Variants in CFAP47 observed in about 807,000 individuals in gnomAD.
The protein encoded by CFAP47 is cilia- and flagella-associated protein 47.
In CFAP47, 29 loss-of-function variants were observed where a neutral mutation model predicts 148.1. The ratio of observed to expected loss-of-function variants is 0.20; its 90% CI spans 0.15 to 0.27. CFAP47 has a LOEUF of 0.27. CFAP47 is among the 10% of genes least tolerant of loss of function. CFAP47 has a pLI of 1.00. For synonymous variants in CFAP47, 664 were observed against 577.3 expected (o/e 1.15, Z -2.15); for missense variants, 1,872 against 1,697.5 (o/e 1.10, Z -1.81).
chrX:36,104,470 C>G, intron 32 of CFAP47, 29 bp from the exon 33 acceptor site: 2 of 552,334 alleles, frequency 3.6e-6, no homozygotes, highest in Non-Finnish European at 5.5e-6. Flanking sequence ...CCATTTGCAT[C>G]TAATAAAAGT....
intron 25 of CFAP47, among the ~76,000 whole-genome samples, chrX:36,045,767 A>G (rs1233619901): frequency 8.9e-6 from 1 of 112,071 alleles, no homozygotes; most frequent in Non-Finnish European, 1.9e-5. Flanking sequence ...ATTTTCTAAT[A>G]TATGAATTAA....
chrX:36,046,348 G>A (rs1325613152), intron 25 of CFAP47, among the ~76,000 whole-genome samples: 1 of 110,461 alleles, frequency 9.1e-6, no homozygotes, highest in Non-Finnish European at 1.9e-5. Context: ...AATTAAGTAT[G>A]TCAACATTAA....
chrX:36,236,155 TTTAA>T (rs1555994587), intron 47 of CFAP47, 78 bp downstream of exon 47: 1 of 360,275 alleles, frequency 2.8e-6, no homozygotes, highest in Non-Finnish European at 4.9e-6. Flanking sequence ...ACATTAGTCT[TTTAA>T]TTGATAGTAC....
chrX:36,330,970 TATATAA>T (rs1344906770), intron 57 of CFAP47, among the ~76,000 whole-genome samples: 71 of 111,706 alleles, frequency 6.4e-4, no homozygotes, highest in African/African-American at 2.3e-3. Context: ...AATATCAATA[TATATAA>T]ATAAACACTT....
chrX:36,283,843 C>A (rs1329310680), intron 50 of CFAP47, among the ~76,000 whole-genome samples: 1 of 111,928 alleles, frequency 8.9e-6, no homozygotes, highest in Admixed American at 9.5e-5. Flanking sequence ...AAATCACCAA[C>A]TAATGGTGGT....
intron 2 of CFAP47, among the ~76,000 whole-genome samples, chrX:35,933,066 A>G (rs1164004654): frequency 8.9e-6 from 1 of 112,370 alleles, no homozygotes; most frequent in Non-Finnish European, 1.9e-5. Flanking sequence ...TGTGTTACAA[A>G]TAATTCAGTT....
At chrX:36,093,494 T>A (rs1175723310) in intron 30 of CFAP47, among the ~76,000 whole-genome samples, 1 of 111,475 alleles carries the variant, frequency 9.0e-6, no homozygotes, top group Non-Finnish European at 1.9e-5. Flanking sequence ...TGATTTGCAT[T>A]TATCTGTTGA....
At chrX:36,197,001 G>A (rs964174547) in intron 42 of CFAP47, among the ~76,000 whole-genome samples, 1 of 111,562 alleles carries the variant, frequency 9.0e-6, no homozygotes, top group Admixed American at 9.6e-5. Flanking sequence ...AAAAGTGGAA[G>A]CAAATAATCA....
intron 18 of CFAP47, among the ~76,000 whole-genome samples, chrX:35,995,374 G>A (rs1273065258): frequency 2.7e-5 from 3 of 111,516 alleles, no homozygotes; most frequent in African/African-American, 9.8e-5. Flanking sequence ...TTTTAACTAC[G>A]GGGATTTCAC....
rs142064722 is a variant in CFAP47, at chrX:36,012,422, C to T, written c.3418-2352C>T. 9.7e-3 allele frequency among the ~76,000 whole-genome samples: 1,085 copies of T among 111,908 alleles called. 14 individuals carry two copies. The highest frequency in any genetic ancestry group is 0.033 in the African/African-American group (1,012 of 30,789). On this transcript the variant is annotated intron_variant, in intron 21 of 63. Transcript: ENST00000378653. ...CAAAGACTCGGAACAACCCAAATGCCCATGAATGATAGACTGGATAAAGAA... is the reference window on the plus strand; with the variant it reads ...CAAAGACTCGGAACAACCCAAATGCTCATGAATGATAGACTGGATAAAGAA...
intron 40 of CFAP47, among the ~76,000 whole-genome samples, chrX:36,186,171 G>A (rs782036635): frequency 3.0e-4 from 34 of 111,770 alleles, no homozygotes; most frequent in Non-Finnish European, 5.8e-4. Flanking sequence ...CTGAGATGTA[G>A]TATAAACGTA....
intron 13 of CFAP47, among the ~76,000 whole-genome samples, chrX:35,973,075 A>AT (rs1249864134): frequency 8.9e-6 from 1 of 112,313 alleles, no homozygotes; most frequent in Non-Finnish European, 1.9e-5. Flanking sequence ...TTTGATACTC[A>AT]TTTCCCTAAA....
intron 27 of CFAP47, among the ~76,000 whole-genome samples, chrX:36,070,512 T>C (rs957181984): frequency 4.7e-5 from 5 of 105,911 alleles, no homozygotes; most frequent in Admixed American, 2.0e-4. Flanking sequence ...TTTTTTTTTT[T>C]TTTGAAACAA....
chrX:35,966,374 TA>T (rs1418582137), intron 8 of CFAP47, among the ~76,000 whole-genome samples, 190 bp from the exon 9 acceptor site: 4 of 105,693 alleles, frequency 3.8e-5, no homozygotes, highest in South Asian at 4.1e-4. Context: ...TAATTTTTAT[TA>T]AAAAATTATT....
At chrX:36,234,156 T>G (rs1260565623) in intron 46 of CFAP47, among the ~76,000 whole-genome samples, 1 of 109,309 alleles carries the variant, frequency 9.1e-6, no homozygotes, top group East Asian at 2.9e-4. Flanking sequence ...ATCTGAATGT[T>G]GGCCTGCCTT....
intron 52 of CFAP47, among the ~76,000 whole-genome samples, chrX:36,300,840 A>T (rs1461033982): frequency 1.8e-5 from 2 of 112,481 alleles, no homozygotes; most frequent in Non-Finnish European, 3.7e-5. Flanking sequence ...CATTTATTAA[A>T]CAGATATTAA....
At chrX:36,312,464 C>A (rs868923196) in intron 56 of CFAP47, among the ~76,000 whole-genome samples, 17 of 110,206 alleles carry the variant, frequency 1.5e-4, no homozygotes, top group African/African-American at 5.6e-4. Context: ...TTTAGATATG[C>A]ACCAAAAAAA....
chrX:36,027,110 G>A (rs184673948), intron 22 of CFAP47, among the ~76,000 whole-genome samples: 1 of 100,233 alleles, frequency 1.0e-5, no homozygotes, highest in Non-Finnish European at 2.0e-5. Context: ...TTATATATAT[G>A]TGATTATATA....
At chrX:35,987,304 G>A (rs1249804290) in intron 15 of CFAP47, among the ~76,000 whole-genome samples, 5 of 111,543 alleles carry the variant, frequency 4.5e-5, no homozygotes, top group African/African-American at 1.6e-4. Flanking sequence ...AGAGATGCTC[G>A]GCCCAGAGAG....
Sources: allele counts gnomAD v4.1 joint callset (sites outside exome capture counted in the v4.1 genomes callset), GRCh38; gene constraint gnomAD v4.1.1; transcripts MANE v1.5; gene names NCBI Gene and HGNC (gene_info 2026-07-23, HGNC 2026-07-21).